Variants in EXOSC4 observed in about 807,000 individuals in gnomAD.
EXOSC4 encodes the protein exosome complex component RRP41.
A neutral mutation model predicts 20.0 loss-of-function variants in EXOSC4; 14 were observed. The observed-to-expected ratio is 0.70, with a 90% confidence interval of 0.46 to 1.09. The LOEUF (loss-of-function observed/expected upper bound fraction) is 1.09, where lower values mean the gene tolerates loss of function less well. EXOSC4 is among the 50% of genes least tolerant of loss of function. The pLI is 0.00. For synonymous variants in EXOSC4, 148 were observed against 146.4 expected (o/e 1.01, Z -0.08); for missense variants, 337 against 334.0 (o/e 1.01, Z -0.07).
the EXOSC4 span, among the ~76,000 whole-genome samples, chr8:144,070,829 G>GA: frequency 2.8e-4 from 41 of 146,506 alleles, no homozygotes; most frequent in Admixed American, 3.4e-4. Context: ...ACTCCGTCTT[G>GA]AAAAAAAAAA....
At chr8:144,078,511 C>A (rs889523904), upstream of EXOSC4, 1 of 422,892 alleles carries the variant, frequency 2.4e-6, no homozygotes, top group Non-Finnish European at 4.0e-6. The surrounding 1 kb of genome is among the most constrained non-coding windows in gnomAD (Gnocchi z 4.7). Context: ...GTCGGGGCCG[C>A]GGTGAACTCC....
upstream of EXOSC4, chr8:144,078,612 G>A: frequency 8.5e-7 from 1 of 1,176,642 alleles, no homozygotes. This position sits in a 1 kb window ranked among gnomAD's most constrained non-coding sequence, Gnocchi z 4.7. Context: ...CCCCGGAACC[G>A]GAAGTGATGG....
At chr8:144,064,830 TC>T in the EXOSC4 span, among the ~76,000 whole-genome samples, 16 of 150,274 alleles carry the variant, frequency 1.1e-4, no homozygotes, top group East Asian at 3.1e-3. Flanking sequence ...TCTTCTTCTA[TC>T]CAATCTGTCT....
upstream of EXOSC4, among the ~76,000 whole-genome samples, chr8:144,073,757 A>G (rs1352821450): frequency 1.3e-5 from 2 of 152,078 alleles, no homozygotes; most frequent in Non-Finnish European, 2.9e-5. Flanking sequence ...AGGCTGAGAC[A>G]TGAGAATCGC....
rs1554763312 is a variant in EXOSC4, at chr8:144,080,356, G to A, written c.493G>A (p.Val165Met). 2.5e-6 allele frequency: 4 copies of A among 1,613,078 alleles called. No homozygotes were observed. The highest frequency in any genetic ancestry group is 1.1e-5 in the South Asian group (1 of 91,082). ...DFVCACSAGF[V>M]DGTALADLSH... is the part of the protein sequence containing the mutation. ...TGTGTGTGCGTGCTCAGCTGGCTTCGTGGACGGCACAGCCCTGGCGGACCT... is the reference window on the plus strand; with the variant it reads ...TGTGTGTGCGTGCTCAGCTGGCTTCATGGACGGCACAGCCCTGGCGGACCT... Residue 165 changes from valine to methionine, a missense_variant, in exon 3 of 3, where the codon GTG becomes ATG. Physicochemically the swap from Val to Met is conservative, Grantham distance 21. Coordinates refer to ENST00000316052, the MANE Select transcript of EXOSC4 (RefSeq NM_019037.3). This position sits in a 1 kb window ranked among gnomAD's most constrained non-coding sequence, Gnocchi z 4.9.
chr8:144,079,723 G>T (rs1835876361), intron 1 of EXOSC4: 6 of 691,082 alleles, frequency 8.7e-6, no homozygotes, highest in Non-Finnish European at 1.6e-5. Context: ...ACTTGGGTTG[G>T]CAGGGAATGG....
At chr8:144,079,180 C>T in intron 1 of EXOSC4, 1 of 349,118 alleles carries the variant, frequency 2.9e-6, no homozygotes, top group Non-Finnish European at 5.2e-6. Flanking sequence ...TTCAGCTCTA[C>T]TCCGACGTCA....
intron 1 of EXOSC4, 141 bp downstream of exon 1, chr8:144,079,040 C>A: frequency 1.0e-6 from 1 of 993,654 alleles, no homozygotes; most frequent in Non-Finnish European, 1.4e-6. Flanking sequence ...GCATCTCACT[C>A]GGAGTAAACG....
the EXOSC4 span, among the ~76,000 whole-genome samples, chr8:144,066,436 C>CTTTT: frequency 1.4e-4 from 14 of 98,074 alleles, no homozygotes; most frequent in Non-Finnish European, 1.9e-4. Context: ...GAGTTTTTCT[C>CTTTT]TTTTTTTTTT....
chr8:144,069,311 A>G, the EXOSC4 span, among the ~76,000 whole-genome samples: 1 of 152,192 alleles, frequency 6.6e-6, no homozygotes, highest in Non-Finnish European at 1.5e-5. Flanking sequence ...GAAACTTACT[A>G]TCTTACAGTC....
At chr8:144,065,249 TGTTTGATGGTCTA>T in the EXOSC4 span, among the ~76,000 whole-genome samples, 503 of 152,296 alleles carry the variant, frequency 3.3e-3, 3 homozygotes, top group African/African-American at 0.012. Flanking sequence ...CTCTTTTGCT[TGTTTGATGGTCTA>T]GTTTCCACTT....
upstream of EXOSC4, among the ~76,000 whole-genome samples, chr8:144,076,424 C>G (rs1311086737): frequency 1.3e-5 from 2 of 152,300 alleles, no homozygotes; most frequent in East Asian, 3.9e-4. Context: ...CCTCTCACGG[C>G]CCCTGAATTT....
At position 144,080,006 on chromosome 8, in the gene EXOSC4, G is replaced by C; in HGVS notation, c.235G>C (p.Ala79Pro). The part of the protein sequence containing the change: ...RALVNCQYSS[A>P]TFSTGERKRR... ...CCTAGTGAACTGTCAATATAGTTCA[G>C]CGACCTTCAGCACAGGTGAGCGCAA... The change falls in exon 2 of 3, where the codon GCG (alanine) becomes CCG (proline). Residue 79 changes from alanine to proline, a missense_variant. By Grantham distance (27) the Ala-to-Pro change is conservative. Transcript: ENST00000316052. This position sits in a 1 kb window ranked among gnomAD's most constrained non-coding sequence, Gnocchi z 4.9. The C allele has an allele frequency of 6.2e-7, 1 of 1,614,082 alleles. No individual in the cohort carries two copies. Among genetic ancestry groups the C allele is most frequent in the Non-Finnish European group, 8.5e-7 (1 of 1,180,030 alleles).
At chr8:144,067,549 A>T in the EXOSC4 span, among the ~76,000 whole-genome samples, 1 of 152,250 alleles carries the variant, frequency 6.6e-6, no homozygotes, top group African/African-American at 2.4e-5. Context: ...GATTCATCAC[A>T]TATAAGAGAA....
chr8:144,077,182 G>A (rs932485799), upstream of EXOSC4, among the ~76,000 whole-genome samples: 3 of 151,982 alleles, frequency 2.0e-5, no homozygotes, highest in African/African-American at 7.3e-5. Context: ...GAGGTGGAGG[G>A]TGCAGTGCGC....
the EXOSC4 span, among the ~76,000 whole-genome samples, chr8:144,068,103 G>A: frequency 1.3e-5 from 2 of 152,184 alleles, no homozygotes; most frequent in Non-Finnish European, 2.9e-5. Flanking sequence ...CTCAGATCAC[G>A]ATAATGCCAC....
chr8:144,072,804 G>A, the EXOSC4 span, among the ~76,000 whole-genome samples: 3 of 152,194 alleles, frequency 2.0e-5, no homozygotes, highest in African/African-American at 7.2e-5. Context: ...CGATGGACAC[G>A]TGGGATGAAT....
chr8:144,076,228 C>T (rs1170202066), upstream of EXOSC4, among the ~76,000 whole-genome samples: 18 of 152,220 alleles, frequency 1.2e-4, no homozygotes, highest in Non-Finnish European at 5.9e-5. Context: ...CAGCTTCTTC[C>T]CGTGGAGTCC....
the EXOSC4 span, among the ~76,000 whole-genome samples, chr8:144,065,692 G>A: frequency 6.6e-6 from 1 of 152,084 alleles, no homozygotes; most frequent in African/African-American, 2.4e-5. Flanking sequence ...CTGAGATCGT[G>A]CCACTGCACT....
Sources: gnomAD v4.1 joint callset for allele counts (sites outside exome capture counted in the v4.1 genomes callset) on GRCh38, gnomAD v4.1.1 for gene constraint, Gnocchi (gnomAD v3.1) non-coding constraint, MANE v1.5 for transcripts, NCBI Gene and HGNC (gene_info 2026-07-23, HGNC 2026-07-21) for gene names.